Variants in ITGAX observed in about 807,000 individuals in gnomAD.
ITGAX encodes integrin subunit alpha X.
A neutral mutation model predicts 140.2 loss-of-function variants in ITGAX; 99 were observed. That is an observed-to-expected ratio of 0.71 (90% confidence interval 0.60 to 0.83). The LOEUF (loss-of-function observed/expected upper bound fraction) is 0.83. ITGAX is among the 40% of genes least tolerant of loss of function. The pLI, the probability that ITGAX is intolerant of heterozygous loss-of-function variation, is 0.00. For missense variants in ITGAX, 1,444 were observed against 1,482.0 expected (o/e 0.97, Z 0.42); for synonymous variants, 631 against 600.4 (o/e 1.05, Z -0.75).
At chr16:31,363,499 A>C in intron 14 of ITGAX, 125 bp downstream of exon 14, 2 of 1,084,618 alleles carry the variant, frequency 1.8e-6, no homozygotes, top group Non-Finnish European at 2.8e-6. Context: ...AGCACCTTGT[A>C]GCAGTGGCGT....
Position 31,360,330 on chromosome 16 carries a change from C to T in ITGAX, c.728C>T (p.Ser243Leu), listed in dbSNP as rs749200836. The T allele has an allele frequency of 6.8e-6, 11 of 1,613,198 alleles. No homozygotes were observed. Among genetic ancestry groups the T allele is most frequent in the Admixed American group, 1.7e-5 (1 of 59,894 alleles). ...QNVVHRLFHASYGARRDAAKI... is the reference protein window; with the variant it reads ...QNVVHRLFHALYGARRDAAKI... ...GATAGGCACCGATTGTTCCATGCCT[C>T]ATATGGGGCCCGTAGGGATGCCGCC... The change falls in exon 8 of 30, where the codon TCA becomes TTA. Residue 243 changes from serine (S) to leucine (L), a missense_variant. By Grantham distance (145) the Ser-to-Leu change is moderately radical. Transcript: ENST00000268296.
In ITGAX at chr16:31,361,925, T is replaced by TA; in HGVS notation, c.1086+17dup. 2 of 1,613,684 alleles carry TA rather than the reference T, an allele frequency of 1.2e-6. No homozygotes were observed. The highest frequency in any genetic ancestry group is 1.7e-6 in the Non-Finnish European group (2 of 1,179,730). ...GTTCACACCTGTGAGTGGGGCCCCT[T>TA]AGGCCGATGATGTGCCGTGAGGGGA... On this transcript the variant is annotated intron_variant, in intron 10 of 29. Coordinates refer to ENST00000268296, the MANE Select transcript of ITGAX (RefSeq NM_000887.5).
rs763379067 is a variant in ITGAX, at chr16:31,371,318, G to A, written c.1842-16G>A. ...GGAGCCGACGGCCTGTCCTCAGCTC[G>A]GTGCTCTGCCCGCAGGACCAGACCT... is the stretch of plus-strand genomic sequence containing the variant. On this transcript the variant is annotated splice_polypyrimidine_tract_variant and intron_variant, in intron 15 of 29. Transcript: ENST00000268296. The A allele has an allele frequency of 2.9e-5, 46 of 1,613,238 alleles. 1 individual carries two copies. Among genetic ancestry groups the A allele is most frequent in the South Asian group, 2.5e-4 (23 of 91,074 alleles).
intron 20 of ITGAX, among the ~76,000 whole-genome samples, chr16:31,376,116 T>C (rs2081016877): frequency 6.6e-6 from 1 of 152,208 alleles, no homozygotes; most frequent in Non-Finnish European, 1.5e-5. Context: ...AAAGAGAACA[T>C]AGCAGAAACA....
At chr16:31,371,947 G>GCAAA (rs1355220975) in intron 17 of ITGAX, among the ~76,000 whole-genome samples, 163 bp downstream of exon 17, 4 of 152,214 alleles carry the variant, frequency 2.6e-5, no homozygotes, top group African/African-American at 9.6e-5. Context: ...GAGTGAGCGA[G>GCAAA]CAAACAAGTG....
intron 14 of ITGAX, 91 bp from the exon 15 acceptor site, chr16:31,370,993 C>CATCGGA: frequency 6.5e-7 from 1 of 1,542,824 alleles, no homozygotes; most frequent in South Asian, 1.1e-5. Flanking sequence ...TCTCCCTTTC[C>CATCGGA]GATGGTCCTA....
At chr16:31,368,949 C>T (rs894560944) in intron 14 of ITGAX, among the ~76,000 whole-genome samples, 1 of 152,172 alleles carries the variant, frequency 6.6e-6, no homozygotes, top group East Asian at 1.9e-4. Context: ...AAGAGGATCC[C>T]AAGGCAGAAG....
Position 31,362,651 on chromosome 16 carries a change from C to T in ITGAX, c.1257C>T (p.Ser419=). 2 of 1,613,342 alleles carry T rather than the reference C, an allele frequency of 1.2e-6. No homozygotes were observed. The highest frequency in any genetic ancestry group is 1.7e-6 in the Non-Finnish European group (2 of 1,179,742). ...TELALWKGVQ[S]LVLGAPRYQH... is the part of the protein sequence containing the mutation. ...TGGCCCTCTGGAAAGGGGTGCAGAG[C>T]CTGGTCCTGGGGGCCCCCCGCTACC... The change falls in exon 12 of 30, where the codon AGC becomes AGT. Residue 419 remains serine (S), a synonymous_variant. Coordinates refer to ENST00000268296, the MANE Select transcript of ITGAX (RefSeq NM_000887.5).
In ITGAX at chr16:31,362,710, T is replaced by C. The variant is rs1005283434; in HGVS notation, c.1316T>C (p.Val439Ala). 1.2e-6 allele frequency: 2 copies of C among 1,613,666 alleles called. No individual in the cohort carries two copies. The highest frequency in any genetic ancestry group is 1.7e-6 in the Non-Finnish European group (2 of 1,179,866). ...GGGAAGGCTGTCATCTTCACCCAGG[T>C]GTCCAGGCAATGGAGGATGAAGGCC... ...HTGKAVIFTQ[V>A]SRQWRMKAEV... The change falls in exon 12 of 30, where the codon GTG (valine) becomes GCG (alanine). Residue 439 changes from valine to alanine, a missense_variant. Val to Ala is a moderately conservative substitution (Grantham distance 64, BLOSUM62 0). Coordinates refer to ENST00000268296, the MANE Select transcript of ITGAX (RefSeq NM_000887.5).
At position 31,355,259 on chromosome 16, in the gene ITGAX, C is replaced by A. The variant is rs762337920; in HGVS notation, c.5C>A (p.Thr2Asn). Residue 2 changes from threonine to asparagine, a missense_variant, in exon 1 of 30, where the codon ACC becomes AAC. Transcript: ENST00000268296. ...TCCACATCTGACCTTCTAGTCATGA[C>A]CAGGACCAGGGCAGCACTCCTCCTG... The part of the protein sequence containing the change: M[T>N]RTRAALLLFT... 7 of 1,613,856 alleles carry A rather than the reference C, an allele frequency of 4.3e-6. No individual in the cohort carries two copies. The highest frequency in any genetic ancestry group is 5.9e-6 in the Non-Finnish European group (7 of 1,179,974).
rs2080809778 is a variant in ITGAX, at chr16:31,360,322, C to A, written c.720C>A (p.Phe240Leu). 2.5e-6 allele frequency: 4 copies of A among 1,612,310 alleles called. No homozygotes were observed. In the East Asian group the frequency reaches 8.9e-5, roughly 36 times the overall value. ...CCTTTCCTGATAGGCACCGATTGTT[C>A]CATGCCTCATATGGGGCCCGTAGGG... ...TAIQNVVHRL[F>L]HASYGARRDA... The change falls in exon 8 of 30, where the codon TTC (phenylalanine) becomes TTA (leucine). Residue 240 changes from phenylalanine to leucine, a missense_variant. Coordinates refer to ENST00000268296, the MANE Select transcript of ITGAX (RefSeq NM_000887.5).
At chr16:31,375,208 G>C (rs1022775429) in intron 20 of ITGAX, among the ~76,000 whole-genome samples, 2 of 152,168 alleles carry the variant, frequency 1.3e-5, no homozygotes, top group East Asian at 3.9e-4. Flanking sequence ...TAGAGATGGG[G>C]TTTCACCATG....
chr16:31,373,128 GAAGAAC>G (rs1219687233), intron 19 of ITGAX, 115 bp from the exon 20 acceptor site: 1 of 652,944 alleles, frequency 1.5e-6, no homozygotes, highest in African/African-American at 2.0e-5. Flanking sequence ...AGAAGAAGAA[GAAGAAC>G]CCAGGGGTCC....
intron 23 of ITGAX, among the ~76,000 whole-genome samples, chr16:31,377,641 G>A (rs939329793): frequency 2.0e-5 from 3 of 152,296 alleles, no homozygotes; most frequent in East Asian, 3.9e-4. Context: ...CCAGGTGCAC[G>A]CTCTGAGCTC....
chr16:31,371,465 T>C lies in ITGAX; in HGVS notation c.1973T>C (p.Ile658Thr), dbSNP rs773888781. ...GTACAGTCCAACATCTGCCTTTACA[T>C]TGACAAACGTTCTAAGAACCTGCTT... ...TLVQSNICLY[I>T]DKRSKNLLGS... Residue 658 changes from isoleucine to threonine, a missense_variant, in exon 16 of 30, where the codon ATT becomes ACT. Ile to Thr is a moderately conservative substitution (Grantham distance 89). Coordinates refer to ENST00000268296, the MANE Select transcript of ITGAX (RefSeq NM_000887.5). The C allele has an allele frequency of 6.8e-5, 109 of 1,613,966 alleles. No individual in the cohort carries two copies. The highest frequency in any genetic ancestry group is 8.8e-5 in the Non-Finnish European group (104 of 1,179,990).
At chr16:31,356,540 C>T in intron 2 of ITGAX, 85 bp from the exon 3 acceptor site, 3 of 822,866 alleles carry the variant, frequency 3.6e-6, no homozygotes, top group Non-Finnish European at 6.1e-6. Flanking sequence ...AGCTGAGGCT[C>T]AGGGAGGGAA....
At chr16:31,360,935 CG>C (rs1265651709) in intron 8 of ITGAX, 127 bp from the exon 9 acceptor site, 3 of 876,202 alleles carry the variant, frequency 3.4e-6, no homozygotes, top group Non-Finnish European at 5.4e-6. Flanking sequence ...GTCCGGGCTT[CG>C]TGTTTCTCCT....
chr16:31,374,287 T>A (rs1597080244), intron 20 of ITGAX, among the ~76,000 whole-genome samples: 1 of 148,664 alleles, frequency 6.7e-6, no homozygotes, highest in Non-Finnish European at 1.5e-5. Context: ...AGACTCTGTC[T>A]AAAAAAAAAA....
At chr16:31,369,346 A>C (rs1287885013) in intron 14 of ITGAX, among the ~76,000 whole-genome samples, 1 of 148,540 alleles carries the variant, frequency 6.7e-6, no homozygotes, top group Non-Finnish European at 1.5e-5. Context: ...GGGTCTCCTC[A>C]CTTCCCAGTA....
Sources: gnomAD v4.1 joint callset for allele counts (sites outside exome capture counted in the v4.1 genomes callset) on GRCh38, gnomAD v4.1.1 for gene constraint, MANE v1.5 for transcripts, NCBI Gene and HGNC (gene_info 2026-07-23, HGNC 2026-07-21) for gene names.